Variants in SLC4A10 observed in about 807,000 individuals in gnomAD.
SLC4A10 encodes the protein sodium-driven chloride bicarbonate exchanger.
Under a neutral mutation model 137.7 loss-of-function variants are expected in SLC4A10, and 42 were observed. That is an observed-to-expected ratio of 0.30 (90% CI 0.24 to 0.39). The LOEUF (loss-of-function observed/expected upper bound fraction) is 0.39. SLC4A10 is among the 10% of genes least tolerant of loss of function. The pLI is 1.00. For synonymous variants in SLC4A10, 474 were observed against 464.1 expected, an observed-to-expected ratio of 1.02 and a Z score of -0.27; for missense variants, 925 against 1,355.0, an observed-to-expected ratio of 0.68 and a Z score of 4.98.
At chr2:161,767,701 G>A (rs557915889) in intron 1 of SLC4A10, among the ~76,000 whole-genome samples, 2 of 152,010 alleles carry the variant, frequency 1.3e-5, no homozygotes, top group South Asian at 4.2e-4. Flanking sequence ...CCACAAAAAG[G>A]CCCTGATAAT....
intron 4 of SLC4A10, among the ~76,000 whole-genome samples, chr2:161,844,179 G>A (rs10168764): frequency 0.017 from 2,599 of 152,210 alleles, 78 homozygotes; most frequent in African/African-American, 0.059. Flanking sequence ...AGGCAAAGCA[G>A]GGGGTAGCGT....
chr2:161,765,021 A>G (rs7597134), intron 1 of SLC4A10, among the ~76,000 whole-genome samples: 41,271 of 152,048 alleles, frequency 0.27, 7,258 homozygotes, highest in Non-Finnish European at 0.4. Context: ...TTCCAGGGCA[A>G]TAGTCTTTAC....
intron 2 of SLC4A10, among the ~76,000 whole-genome samples, chr2:161,802,946 G>T (rs1270336163): frequency 6.6e-6 from 1 of 152,070 alleles, no homozygotes; most frequent in African/African-American, 2.4e-5. Context: ...TTGGGGTTGG[G>T]ACTTTAAAAT....
chr2:161,720,743 C>A (rs988628740), intron 1 of SLC4A10, among the ~76,000 whole-genome samples: 3 of 152,116 alleles, frequency 2.0e-5, no homozygotes, highest in Admixed American at 6.6e-5. Flanking sequence ...AAATTTTCCT[C>A]CATCCCTTTA....
intron 6 of SLC4A10, among the ~76,000 whole-genome samples, chr2:161,864,249 A>T (rs2060605804): frequency 6.6e-6 from 1 of 152,156 alleles, no homozygotes; most frequent in Non-Finnish European, 1.5e-5. Flanking sequence ...AATGAAAAGT[A>T]TTTTCAAATG....
intron 2 of SLC4A10, among the ~76,000 whole-genome samples, chr2:161,791,959 C>T (rs1361625289): frequency 6.6e-6 from 1 of 152,104 alleles, no homozygotes; most frequent in Non-Finnish European, 1.5e-5. Context: ...ACTAAGAAAT[C>T]TTACAAAAGT....
At chr2:161,874,084 A>G in intron 8 of SLC4A10, 79 bp downstream of exon 8, 1 of 1,366,418 alleles carries the variant, frequency 7.3e-7, no homozygotes, top group Non-Finnish European at 1.0e-6. Flanking sequence ...TTCAAACATT[A>G]AGCCAGTTGA....
intron 15 of SLC4A10, among the ~76,000 whole-genome samples, chr2:161,921,206 G>T (rs756497870): frequency 6.6e-6 from 1 of 152,170 alleles, no homozygotes; most frequent in Non-Finnish European, 1.5e-5. Flanking sequence ...ATTGTATGTG[G>T]CATACCTATG....
chr2:161,666,170 AG>A (rs1232783104), intron 1 of SLC4A10, among the ~76,000 whole-genome samples: 1 of 151,540 alleles, frequency 6.6e-6, no homozygotes, highest in African/African-American at 2.4e-5. Flanking sequence ...GAGATGAAAA[AG>A]CTGTATTAGT....
intron 10 of SLC4A10, among the ~76,000 whole-genome samples, chr2:161,889,574 G>A (rs2062696567): frequency 1.3e-5 from 2 of 152,166 alleles, no homozygotes; most frequent in Non-Finnish European, 2.9e-5. Flanking sequence ...TTGCGTAGAG[G>A]TGTTTATAGT....
intron 15 of SLC4A10, among the ~76,000 whole-genome samples, chr2:161,906,104 T>A (rs546264291): frequency 2.4e-4 from 36 of 152,214 alleles, no homozygotes; most frequent in Non-Finnish European, 4.9e-4. Context: ...GCCAAGAGTA[T>A]CTTTTTAAAG....
At chr2:161,900,878 A>G (rs1682945555) in intron 11 of SLC4A10, 33 bp from the exon 12 acceptor site, 1 of 1,450,956 alleles carries the variant, frequency 6.9e-7, no homozygotes, top group Non-Finnish European at 9.3e-7. Context: ...AATTAAAACA[A>G]AACAAAACAC....
intron 3 of SLC4A10, among the ~76,000 whole-genome samples, chr2:161,824,930 C>T (rs1228436546): frequency 5.3e-5 from 8 of 152,158 alleles, no homozygotes; most frequent in African/African-American, 1.7e-4. Context: ...CAAGACCAAC[C>T]CCTCCTCTTC....
intron 16 of SLC4A10, among the ~76,000 whole-genome samples, chr2:161,945,714 T>C (rs1173477205): frequency 6.6e-6 from 1 of 151,838 alleles, no homozygotes; most frequent in Non-Finnish European, 1.5e-5. Flanking sequence ...CTTTTAAAAT[T>C]AGCATTTTGT....
intron 3 of SLC4A10, among the ~76,000 whole-genome samples, chr2:161,838,205 C>G (rs938761371): frequency 1.3e-5 from 2 of 151,968 alleles, no homozygotes; most frequent in East Asian, 3.9e-4. Flanking sequence ...GAAGAATATA[C>G]TTTTTCTGTG....
intron 15 of SLC4A10, among the ~76,000 whole-genome samples, chr2:161,925,983 A>G (rs6731300): frequency 0.03 from 4,583 of 152,072 alleles, 89 homozygotes; most frequent in African/African-American, 0.049. Flanking sequence ...TATGTGGTCA[A>G]TTTTGGAATA....
intron 11 of SLC4A10, among the ~76,000 whole-genome samples, chr2:161,900,408 A>G (rs1240950532): frequency 6.6e-6 from 1 of 152,114 alleles, no homozygotes; most frequent in Non-Finnish European, 1.5e-5. Flanking sequence ...GAACAGTTAA[A>G]CTATGCCACG....
At chr2:161,784,735 G>T (rs2053427488) in intron 2 of SLC4A10, among the ~76,000 whole-genome samples, 1 of 151,176 alleles carries the variant, frequency 6.6e-6, no homozygotes, top group Non-Finnish European at 1.5e-5. Flanking sequence ...AAAACTTATG[G>T]TATACAGCCA....
At chr2:161,827,625 G>A (rs2058102103) in intron 3 of SLC4A10, among the ~76,000 whole-genome samples, 1 of 151,202 alleles carries the variant, frequency 6.6e-6, no homozygotes, top group African/African-American at 2.4e-5. Context: ...GTGCAGTGGC[G>A]CGCGATCTCG....
Sources: allele counts gnomAD v4.1 joint callset (sites outside exome capture counted in the v4.1 genomes callset), GRCh38; gene constraint gnomAD v4.1.1; transcripts MANE v1.5; gene names NCBI Gene and HGNC (gene_info 2026-07-23, HGNC 2026-07-21).